HECTD2: variants seen among roughly 807,000 people sequenced by gnomAD.
The protein encoded by HECTD2 is HECT domain E3 ubiquitin protein ligase 2.
In HECTD2, 35 loss-of-function variants were observed where a neutral mutation model predicts 103.2. The ratio of observed to expected loss-of-function variants is 0.34; its 90% CI spans 0.26 to 0.45. The LOEUF is 0.45. HECTD2 is among the 20% of genes least tolerant of loss of function. The pLI is 1.00. For synonymous variants in HECTD2, 281 were observed against 329.9 expected (o/e 0.85, Z 1.61); for missense variants, 596 against 937.4 (o/e 0.64, Z 4.76).
intron 20 of HECTD2, among the ~76,000 whole-genome samples, chr10:91,507,112 A>G (rs1228806853): frequency 6.6e-6 from 1 of 152,190 alleles, no homozygotes; most frequent in African/African-American, 2.4e-5. Flanking sequence ...TTAGGTATTG[A>G]TGGGACATAT....
At chr10:91,419,071 G>T (rs946764721) in intron 1 of HECTD2, among the ~76,000 whole-genome samples, 6 of 151,932 alleles carry the variant, frequency 3.9e-5, no homozygotes, top group African/African-American at 1.2e-4. Context: ...AAAGCATTTC[G>T]TGATGGAACA....
intron 20 of HECTD2, among the ~76,000 whole-genome samples, chr10:91,505,833 C>T (rs1311865572): frequency 6.6e-6 from 1 of 151,796 alleles, no homozygotes; most frequent in East Asian, 1.9e-4. Context: ...TTTTTCAGCA[C>T]CACACCACAC....
intron 5 of HECTD2, 22 bp from the exon 6 acceptor site, chr10:91,478,179 T>A (rs1845974941): frequency 5.2e-6 from 8 of 1,544,050 alleles, no homozygotes; most frequent in Non-Finnish European, 7.2e-6. Flanking sequence ...CTAATTACCT[T>A]ACTGTTTTCT....
intron 20 of HECTD2, among the ~76,000 whole-genome samples, chr10:91,507,229 C>T (rs1404968802): frequency 1.3e-5 from 2 of 150,940 alleles, no homozygotes; most frequent in African/African-American, 4.9e-5. Flanking sequence ...CAGGGATGCC[C>T]TCTCTCACCA....
At chr10:91,473,088 A>G (rs1845785866) in intron 5 of HECTD2, among the ~76,000 whole-genome samples, 1 of 152,214 alleles carries the variant, frequency 6.6e-6, no homozygotes, top group African/African-American at 2.4e-5. Context: ...GGAGTTTCCC[A>G]TAACTGATGT....
At chr10:91,506,982 A>G (rs1249571492) in intron 20 of HECTD2, among the ~76,000 whole-genome samples, 2 of 151,876 alleles carry the variant, frequency 1.3e-5, no homozygotes, top group Non-Finnish European at 2.9e-5. Flanking sequence ...ACGCAAATCA[A>G]TAAATGTAAT....
intron 5 of HECTD2, among the ~76,000 whole-genome samples, chr10:91,468,256 A>T (rs935623780): frequency 2.0e-5 from 3 of 151,738 alleles, no homozygotes; most frequent in African/African-American, 4.9e-5. Context: ...CGGTACCAGC[A>T]CCCCCCAGAG....
chr10:91,471,146 T>C (rs1845713479), intron 5 of HECTD2, among the ~76,000 whole-genome samples: 1 of 152,196 alleles, frequency 6.6e-6, no homozygotes, highest in African/African-American at 2.4e-5. Context: ...CCATTATCCC[T>C]AGGATGCAAG....
At position 91,512,490 on chromosome 10, in the gene HECTD2, C is replaced by A; in HGVS notation, c.*106C>A. The A allele has an allele frequency of 1.9e-6, 2 of 1,027,944 alleles. No homozygotes were observed. The highest frequency in any genetic ancestry group is 1.4e-6 in the Non-Finnish European group (1 of 715,040). 63.7% of individuals were successfully genotyped at this position (1,027,944 alleles called of 1,614,324 possible). A position where few individuals can be genotyped will look rare whatever the true frequency, so the allele number is the denominator to read the frequency against. On this transcript the variant is annotated 3_prime_UTR_variant, in exon 21 of 21. Coordinates refer to ENST00000298068, the MANE Select transcript of HECTD2 (RefSeq NM_182765.6). ...TCTCAAAACACTTTGACAAAGCTCA[C>A]CAACTTTAAAATATTAAGTTTTTAA...
intron 2 of HECTD2, among the ~76,000 whole-genome samples, chr10:91,445,428 T>C (rs921889227): frequency 1.3e-5 from 2 of 152,174 alleles, no homozygotes; most frequent in African/African-American, 4.8e-5. Context: ...TCAATATAAA[T>C]AATTTTTAAT....
intron 2 of HECTD2, among the ~76,000 whole-genome samples, chr10:91,451,062 A>G (rs1844799776): frequency 6.6e-6 from 1 of 152,172 alleles, no homozygotes; most frequent in Non-Finnish European, 1.5e-5. Context: ...CTATAAAGAC[A>G]CATGCACACA....
In HECTD2 at chr10:91,460,669, A is replaced by T. The variant is rs961021313; in HGVS notation, c.407+104A>T. The stretch of plus-strand genomic sequence containing the variant: ...AAATTAACTTTTGGATCACTATAAG[A>T]TATTAGCCAAGAGGACCTCAAAAGA... On this transcript the variant is annotated intron_variant, in intron 3 of 20. Transcript: ENST00000298068. The T allele has an allele frequency of 5.2e-6, 6 of 1,148,258 alleles. No homozygotes were observed. The African/African-American group carries it at 9.6e-5, about 18-fold the overall frequency. The allele number at this position is 1,148,258 out of a possible 1,614,324, so 71.1% of individuals were successfully genotyped here.
At chr10:91,435,710 C>T (rs1844086335) in intron 2 of HECTD2, among the ~76,000 whole-genome samples, 1 of 151,898 alleles carries the variant, frequency 6.6e-6, no homozygotes, top group Admixed American at 6.6e-5. Context: ...AGTGTTGTGC[C>T]TTGGTGTGAG....
intron 2 of HECTD2, among the ~76,000 whole-genome samples, chr10:91,439,726 T>G (rs1473210166): frequency 6.6e-6 from 1 of 152,176 alleles, no homozygotes; most frequent in African/African-American, 2.4e-5. Flanking sequence ...ATGGAATGTT[T>G]TTCCCTTTGT....
chr10:91,428,511 A>G (rs1377836495), intron 2 of HECTD2, among the ~76,000 whole-genome samples: 1 of 152,132 alleles, frequency 6.6e-6, no homozygotes, highest in Non-Finnish European at 1.5e-5. Flanking sequence ...ACCCATGAGC[A>G]TGGAATGTTC....
chr10:91,501,415 T>A (rs897329126), intron 20 of HECTD2, 81 bp downstream of exon 20: 8 of 816,640 alleles, frequency 9.8e-6, no homozygotes, highest in Non-Finnish European at 1.5e-5. Flanking sequence ...GGAATCAGGA[T>A]GTGTACTCCG....
rs918439248 is a variant in HECTD2, at chr10:91,425,704, A to G, written c.268+294A>G. On this transcript the variant is annotated intron_variant, in intron 2 of 20. Coordinates refer to ENST00000298068, the MANE Select transcript of HECTD2 (RefSeq NM_182765.6). ...TATATTTTATAAATGTATGTATACA[A>G]ATATGTAATGGATATCCCATATTTG... is the stretch of plus-strand genomic sequence containing the variant. Among the ~76,000 whole-genome samples, 4 of 151,126 alleles carry G rather than the reference A, an allele frequency of 2.6e-5. No individual in the cohort carries two copies. In the East Asian group the frequency reaches 5.8e-4, roughly 22 times the overall value.
intron 20 of HECTD2, among the ~76,000 whole-genome samples, chr10:91,504,373 CTT>C (rs1367259439): frequency 3.3e-5 from 5 of 150,878 alleles, no homozygotes; most frequent in African/African-American, 1.2e-4. Context: ...AAGTTGAAAA[CTT>C]TGAAAAAAAT....
Position 91,499,143 on chromosome 10 carries a change from C to T in HECTD2, c.1943C>T (p.Ala648Val). 6.3e-7 allele frequency: 1 copy of T among 1,594,528 alleles called. No individual in the cohort carries two copies. Among genetic ancestry groups the T allele is most frequent in the Non-Finnish European group, 8.6e-7 (1 of 1,162,774 alleles). The change falls in exon 18 of 21, where the codon GCC becomes GTC. Residue 648 changes from alanine (A) to valine (V), a missense_variant. Physicochemically the swap from Ala to Val is moderately conservative, Grantham distance 64. Around this residue, in one of 4 missense-constraint regions of HECTD2, gnomAD observed 69 missense variants for 153.8 expected, o/e 0.45. Coordinates refer to ENST00000298068, the MANE Select transcript of HECTD2 (RefSeq NM_182765.6). ...TTTCATAGTGTGTGTGCTTCAAATG[C>T]CCTAATGGTGAGTTTATAACTTTAA... ...YGFHSVCASNALMLLRPEEVE... is the reference protein window; with the variant it reads ...YGFHSVCASNVLMLLRPEEVE...
Sources: allele counts gnomAD v4.1 joint callset (sites outside exome capture counted in the v4.1 genomes callset), GRCh38; gene constraint gnomAD v4.1.1; regional missense constraint gnomAD v4.1.1; transcripts MANE v1.5; gene names NCBI Gene and HGNC (gene_info 2026-07-23, HGNC 2026-07-21).